KIF21A: variants seen among roughly 807,000 people sequenced by gnomAD.
The protein encoded by KIF21A is kinesin-like protein KIF21A.
Under a neutral mutation model 202.9 loss-of-function variants are expected in KIF21A, and 114 were observed. That is an observed-to-expected ratio of 0.56 (90% CI 0.48 to 0.66). The LOEUF is 0.66. Among genes scored for constraint, KIF21A ranks in the 30% least tolerant of loss-of-function variants. KIF21A has a pLI of 0.00. For synonymous variants in KIF21A, 667 were observed against 670.8 expected, an observed-to-expected ratio of 0.99 and a Z score of 0.09; for missense variants, 1,677 against 1,994.9, an observed-to-expected ratio of 0.84 and a Z score of 3.04.
At chr12:39,348,813 A>G (rs1476189982) in intron 11 of KIF21A, among the ~76,000 whole-genome samples, 2 of 151,946 alleles carry the variant, frequency 1.3e-5, no homozygotes, top group Non-Finnish European at 2.9e-5. Flanking sequence ...CAAACAGAAA[A>G]AAAACCTTTT....
At chr12:39,373,566 TAATA>T (rs1950095415) in intron 1 of KIF21A, among the ~76,000 whole-genome samples, 1 of 152,146 alleles carries the variant, frequency 6.6e-6, no homozygotes, top group Non-Finnish European at 1.5e-5. Flanking sequence ...AAGATAAAAA[TAATA>T]AACGCAACAC....
chr12:39,420,290 G>C (rs1036766353), intron 1 of KIF21A, among the ~76,000 whole-genome samples: 2 of 152,162 alleles, frequency 1.3e-5, no homozygotes, highest in African/African-American at 4.8e-5. Context: ...ATGGGTGTAT[G>C]GGAGAGTAAA....
intron 1 of KIF21A, among the ~76,000 whole-genome samples, chr12:39,386,049 T>C (rs796139075): frequency 3.9e-5 from 6 of 152,304 alleles, no homozygotes; most frequent in African/African-American, 1.4e-4. Context: ...TAAGCTCCAA[T>C]ATGTATCCTA....
intron 1 of KIF21A, among the ~76,000 whole-genome samples, chr12:39,381,230 C>T (rs1225799925): frequency 6.6e-6 from 1 of 151,440 alleles, no homozygotes; most frequent in Non-Finnish European, 1.5e-5. Context: ...ATGGTGTGAA[C>T]CCAGGAGGCA....
chr12:39,374,913 C>T (rs1379750645), intron 1 of KIF21A, among the ~76,000 whole-genome samples: 1 of 152,064 alleles, frequency 6.6e-6, no homozygotes. Flanking sequence ...TTTCCCCTGC[C>T]ATGCACTATG....
intron 1 of KIF21A, among the ~76,000 whole-genome samples, chr12:39,416,785 ATGTGTATATATATGTACATATATATG>A (rs1566270548): frequency 1.6e-5 from 2 of 126,682 alleles, no homozygotes; most frequent in East Asian, 5.0e-4. Context: ...GTACATATAT[ATGTGTATATATATGTACATATATATG>A]TGTGTATATA....
chr12:39,311,069 TAGTGGTTG>T (rs1943979235), intron 32 of KIF21A, among the ~76,000 whole-genome samples: 1 of 152,038 alleles, frequency 6.6e-6, no homozygotes, highest in Non-Finnish European at 1.5e-5. Flanking sequence ...GTTGCAGAAA[TAGTGGTTG>T]CTATGCATCT....
intron 1 of KIF21A, among the ~76,000 whole-genome samples, chr12:39,398,599 G>A (rs1327301971): frequency 6.6e-6 from 1 of 152,166 alleles, no homozygotes; most frequent in African/African-American, 2.4e-5. Context: ...TATCCTTGGA[G>A]TAAGAGGGTT....
intron 15 of KIF21A, 89 bp from the exon 16 acceptor site, chr12:39,340,453 G>A: frequency 1.0e-6 from 1 of 977,606 alleles, no homozygotes. Context: ...TAAGAGAAGA[G>A]CTACTTCCCA....
Position 39,309,694 on chromosome 12 carries a change from A to T in KIF21A, c.4169T>A (p.Val1390Asp). 1 of 1,613,528 alleles carries T rather than the reference A, an allele frequency of 6.2e-7. No individual in the cohort carries two copies. Among genetic ancestry groups the T allele is most frequent in the Non-Finnish European group, 8.5e-7 (1 of 1,179,708 alleles). Residue 1390 changes from valine (V) to aspartate (D), a missense_variant, in exon 33 of 38, where the codon GTC becomes GAC. Val to Asp is a radical substitution (Grantham distance 152). Around this residue, in one of 3 missense-constraint regions of KIF21A, gnomAD observed 705 missense variants for 791.9 expected, o/e 0.89. Transcript: ENST00000361418. ...IMSLGGHPNN[V>D]VSVKYCNYTS... ...ATAATTACAGTATTTTACAGACACG[A>T]CATTGTTGGGATGACCCCCCAGTGA...
intron 17 of KIF21A, 99 bp from the exon 18 acceptor site, chr12:39,333,379 A>G (rs1048646639): frequency 2.3e-6 from 2 of 858,822 alleles, no homozygotes; most frequent in African/African-American, 1.7e-5. Context: ...GGGAACTATG[A>G]GTTCTTAGCA....
intron 1 of KIF21A, among the ~76,000 whole-genome samples, chr12:39,401,500 G>A (rs1952170670): frequency 6.6e-6 from 1 of 152,112 alleles, no homozygotes; most frequent in Admixed American, 6.6e-5. Context: ...TGAAATTTTA[G>A]TATGCCAAAG....
At chr12:39,361,727 T>C (rs370973304) in intron 7 of KIF21A, among the ~76,000 whole-genome samples, 240 of 152,196 alleles carry the variant, frequency 1.6e-3, no homozygotes, top group Non-Finnish European at 2.5e-3. Flanking sequence ...AGGATGGTCT[T>C]GATCTCCTGA....
chr12:39,346,708 G>A (rs1407007609), intron 11 of KIF21A, among the ~76,000 whole-genome samples: 2 of 151,950 alleles, frequency 1.3e-5, no homozygotes, highest in Non-Finnish European at 2.9e-5. Context: ...AAATCAAGCA[G>A]CAATATATCT....
chr12:39,405,330 C>T (rs553367044), intron 1 of KIF21A, among the ~76,000 whole-genome samples: 8 of 151,876 alleles, frequency 5.3e-5, no homozygotes, highest in East Asian at 1.9e-4. Flanking sequence ...CCAGCCTGGA[C>T]GACAAGAGCA....
intron 1 of KIF21A, among the ~76,000 whole-genome samples, chr12:39,421,986 C>G (rs1362992207): frequency 6.6e-6 from 1 of 151,608 alleles, no homozygotes; most frequent in Non-Finnish European, 1.5e-5. Flanking sequence ...AGGGCAAACT[C>G]TCACTTTATC....
In KIF21A at chr12:39,394,238, C is replaced by A. The variant is rs187683787; in HGVS notation, c.45-23977G>T. On this transcript the variant is annotated intron_variant, in intron 1 of 37. Transcript: ENST00000361418. Reference sequence around the variant, plus strand: ...ACATAGGTCATCTTCACATCAAATGCTGCAGTCTTTGTCTATTTACCGTTT... The same window carrying A: ...ACATAGGTCATCTTCACATCAAATGATGCAGTCTTTGTCTATTTACCGTTT... Among the ~76,000 whole-genome samples, 142 of 152,342 alleles carry A rather than the reference C, an allele frequency of 9.3e-4. 2 individuals carry two copies. The highest frequency in any genetic ancestry group is 8.0e-3 in the Admixed American group (122 of 15,300).
chr12:39,352,041 CA>C (rs1948430500), intron 10 of KIF21A, 61 bp from the exon 11 acceptor site: 4 of 1,179,032 alleles, frequency 3.4e-6, no homozygotes, highest in African/African-American at 1.5e-5. Context: ...AAATACATAA[CA>C]TAAAGTGTAC....
At chr12:39,428,066 T>C (rs1443710147) in intron 1 of KIF21A, among the ~76,000 whole-genome samples, 1 of 152,174 alleles carries the variant, frequency 6.6e-6, no homozygotes, top group Non-Finnish European at 1.5e-5. Context: ...GTAGGGATGA[T>C]TTTGAAGAAT....
Sources: gnomAD v4.1 joint callset for allele counts (sites outside exome capture counted in the v4.1 genomes callset) on GRCh38, gnomAD v4.1.1 for gene constraint, gnomAD v4.1.1 regional missense constraint, MANE v1.5 for transcripts, NCBI Gene and HGNC (gene_info 2026-07-23, HGNC 2026-07-21) for gene names.